Variants in HDAC4 observed in about 807,000 individuals in gnomAD.
The protein encoded by HDAC4 is histone deacetylase A.
A neutral mutation model predicts 135.1 loss-of-function variants in HDAC4; 16 were observed. That is an observed-to-expected ratio of 0.12 (90% CI 0.08 to 0.18). HDAC4 has a LOEUF of 0.18. Ranked by LOEUF, HDAC4 falls within the 10% of genes least tolerant of loss-of-function variation. The probability of loss-of-function intolerance (pLI) is 1.00; values close to 1 mark genes in which losing one functional copy is unlikely to be tolerated. For synonymous variants in HDAC4, 685 were observed against 653.4 expected (o/e 1.05, Z -0.74); for missense variants, 1,143 against 1,511.8 (o/e 0.76, Z 4.05).
chr2:239,401,188 C>T (rs1696971758), upstream of HDAC4, among the ~76,000 whole-genome samples: 1 of 151,944 alleles, frequency 6.6e-6, no homozygotes, highest in Non-Finnish European at 1.5e-5. Context: ...GCCCCGCCTC[C>T]CGCCCGCCCG....
chr2:239,198,994 T>C (rs949230317), intron 3 of HDAC4, among the ~76,000 whole-genome samples: 3 of 152,144 alleles, frequency 2.0e-5, no homozygotes, highest in African/African-American at 7.2e-5. Context: ...AGCCAGAAAG[T>C]GTCCCCATAG....
At chr2:239,243,155 CTTT>C (rs1285513656) in intron 2 of HDAC4, among the ~76,000 whole-genome samples, 2 of 141,454 alleles carry the variant, frequency 1.4e-5, no homozygotes, top group Non-Finnish European at 1.6e-5. Flanking sequence ...ATTAACATTC[CTTT>C]TTTTTTTTTT....
intron 1 of HDAC4, among the ~76,000 whole-genome samples, chr2:239,386,681 C>T (rs1575793864): frequency 6.6e-6 from 1 of 152,368 alleles, no homozygotes; most frequent in East Asian, 1.9e-4. Context: ...AAGAGCTTGA[C>T]TTTCATAAAC....
chr2:239,201,593 C>G (rs1332625140), intron 3 of HDAC4, among the ~76,000 whole-genome samples: 4 of 152,176 alleles, frequency 2.6e-5, no homozygotes, highest in Admixed American at 2.6e-4. Flanking sequence ...TGGCAGCAAC[C>G]TAGATCTGCT....
intron 2 of HDAC4, among the ~76,000 whole-genome samples, chr2:239,241,041 C>T (rs1291798009): frequency 6.6e-6 from 1 of 152,192 alleles, no homozygotes; most frequent in Admixed American, 6.5e-5. Context: ...AAGGGCTGTG[C>T]AGTTTCCTAG....
chr2:239,150,528 A>G (rs2042049732), intron 7 of HDAC4, among the ~76,000 whole-genome samples: 1 of 152,160 alleles, frequency 6.6e-6, no homozygotes, highest in South Asian at 2.1e-4. Context: ...ACACAGATAC[A>G]GCAGCAGGAA....
In HDAC4 at chr2:239,309,799, A is replaced by ATC. The variant is rs2052784498; in HGVS notation, c.22+42878_22+42879insGA. 6.6e-6 allele frequency among the ~76,000 whole-genome samples: 1 copy of ATC among 152,188 alleles called. No individual in the cohort carries two copies. The highest frequency in any genetic ancestry group is 2.4e-5 in the African/African-American group (1 of 41,452). ...GAAGCTGTGAGGACTGGTGTTGATA[A>ATC]AACATTCCAACCACACACTCAGACC... is the stretch of plus-strand genomic sequence containing the variant. On this transcript the variant is annotated intron_variant, in intron 2 of 26. Coordinates refer to ENST00000543185, the MANE Select transcript of HDAC4 (RefSeq NM_001378414.1). This position sits in a 1 kb window ranked among gnomAD's most constrained non-coding sequence, Gnocchi z 4.2.
At chr2:239,081,299 C>A (rs1297659067) in intron 21 of HDAC4, 107 bp from the exon 22 acceptor site, 2 of 913,352 alleles carry the variant, frequency 2.2e-6, no homozygotes, top group African/African-American at 3.3e-5. Flanking sequence ...TTGGTGGGCC[C>A]CTGGGGAGAG....
intron 16 of HDAC4, among the ~76,000 whole-genome samples, chr2:239,095,413 A>T (rs1203411170): frequency 6.6e-6 from 1 of 152,172 alleles, no homozygotes. Flanking sequence ...TGTATCTAAC[A>T]GCAAATCCTG....
At chr2:239,072,527 G>A (rs1033275975) in intron 22 of HDAC4, among the ~76,000 whole-genome samples, 3 of 152,124 alleles carry the variant, frequency 2.0e-5, no homozygotes, top group Admixed American at 6.5e-5. Context: ...CCCAGCACAC[G>A]CGTGTGGGCC....
intron 8 of HDAC4, chr2:239,140,753 G>C: frequency 3.4e-6 from 1 of 297,744 alleles, no homozygotes; most frequent in Non-Finnish European, 7.1e-6. Flanking sequence ...GGGAGGTTAA[G>C]GGATGTTTTC....
At chr2:239,140,326 T>G (rs528192902) in intron 8 of HDAC4, among the ~76,000 whole-genome samples, 2 of 152,252 alleles carry the variant, frequency 1.3e-5, no homozygotes, top group South Asian at 4.1e-4. Flanking sequence ...AAACACACGC[T>G]CGGACAGTCT....
chr2:239,319,295 G>A (rs1302097689), intron 2 of HDAC4, among the ~76,000 whole-genome samples: 3 of 152,228 alleles, frequency 2.0e-5, no homozygotes, highest in Non-Finnish European at 4.4e-5. Flanking sequence ...GCAGCCTCCC[G>A]TTAGCTGCTG....
intron 15 of HDAC4, among the ~76,000 whole-genome samples, chr2:239,107,831 G>GCAGGGAGGGTACGGGACTC (rs2038291626): frequency 6.6e-6 from 1 of 152,226 alleles, no homozygotes; most frequent in Non-Finnish European, 1.5e-5. Flanking sequence ...GCAGCTTCCT[G>GCAGGGAGGGTACGGGACTC]CAGGGAGGGT....
rs753582761 is a variant in HDAC4, at chr2:239,087,662, T to A, written c.2389-48A>T. ...AGGAGAGAGCAACAAAAGACACACT[T>A]TGTAGCCACGGGAAAATGGTTGCAC... On this transcript the variant is annotated intron_variant, in intron 18 of 26. Coordinates refer to ENST00000543185, the MANE Select transcript of HDAC4 (RefSeq NM_001378414.1). 5 of 1,576,804 alleles carry A rather than the reference T, an allele frequency of 3.2e-6. No homozygotes were observed. In the East Asian group the frequency reaches 1.1e-4, roughly 35 times the overall value.
rs142729068 is a variant in HDAC4 at position 239,105,111 on chromosome 2, C to A, written c.2113-2215G>T. On this transcript the variant is annotated intron_variant, in intron 15 of 26. Transcript: ENST00000543185. The stretch of plus-strand genomic sequence containing the variant: ...TCTGGGAGCGGTGGTGATGGTGGCC[C>A]CTTCCTGCTTTCTTGGGAGGCTGAC... Among the ~76,000 whole-genome samples, 326 of 152,342 alleles carry A rather than the reference C, an allele frequency of 2.1e-3. 1 individual carries two copies. Among genetic ancestry groups the A allele is most frequent in the African/African-American group, 7.4e-3 (309 of 41,582 alleles).
chr2:239,397,660 C>G (rs767535161), intron 1 of HDAC4, among the ~76,000 whole-genome samples: 1 of 152,174 alleles, frequency 6.6e-6, no homozygotes, highest in Non-Finnish European at 1.5e-5. Context: ...GGCCCTCATG[C>G]CACCCCAAAA....
chr2:239,216,211 C>T (rs1331554005), intron 3 of HDAC4, among the ~76,000 whole-genome samples: 2 of 151,604 alleles, frequency 1.3e-5, no homozygotes, highest in Non-Finnish European at 2.9e-5. Flanking sequence ...CACACACACA[C>T]ATAGATATTC....
At chr2:239,121,182 C>G (rs2039654651) in intron 12 of HDAC4, among the ~76,000 whole-genome samples, 1 of 152,150 alleles carries the variant, frequency 6.6e-6, no homozygotes, top group Non-Finnish European at 1.5e-5. Flanking sequence ...GTCTCGAACT[C>G]TTGAGCCAAA....
Sources: gnomAD v4.1 joint callset for allele counts (sites outside exome capture counted in the v4.1 genomes callset) on GRCh38, gnomAD v4.1.1 for gene constraint, Gnocchi (gnomAD v3.1) non-coding constraint, MANE v1.5 for transcripts, NCBI Gene and HGNC (gene_info 2026-07-23, HGNC 2026-07-21) for gene names.